COL14A1: variants seen among roughly 807,000 people sequenced by gnomAD.
COL14A1 encodes the protein collagen type XIV alpha 1 chain.
Under a neutral mutation model 230.3 loss-of-function variants are expected in COL14A1, and 136 were observed. The observed-to-expected ratio is 0.59, with a 90% CI of 0.51 to 0.68. COL14A1 has a LOEUF of 0.68. Among genes scored for constraint, COL14A1 ranks in the 30% least tolerant of loss-of-function variants. COL14A1 has a pLI of 0.00. For synonymous variants in COL14A1, 792 were observed against 784.1 expected (o/e 1.01, Z -0.17); for missense variants, 1,976 against 2,215.8 (o/e 0.89, Z 2.17).
chr8:120,366,577 A>G (rs893975861), intron 45 of COL14A1, among the ~76,000 whole-genome samples: 1 of 152,246 alleles, frequency 6.6e-6, no homozygotes, highest in Non-Finnish European at 1.5e-5. Context: ...GTGAAAATGT[A>G]TAGTTTGTTA....
chr8:120,349,087 C>T (rs1306820423), intron 45 of COL14A1, among the ~76,000 whole-genome samples: 3 of 152,180 alleles, frequency 2.0e-5, no homozygotes, highest in Non-Finnish European at 4.4e-5. Flanking sequence ...CCCCTGACCC[C>T]GAGCAGGCTA....
At chr8:120,134,135 A>T (rs1399696268) in intron 1 of COL14A1, among the ~76,000 whole-genome samples, 1 of 151,996 alleles carries the variant, frequency 6.6e-6, no homozygotes, top group African/African-American at 2.4e-5. Context: ...TTCTTTTTTG[A>T]TGTAAAGATG....
At chr8:120,177,747 A>G (rs1284821556) in intron 5 of COL14A1, among the ~76,000 whole-genome samples, 1 of 148,962 alleles carries the variant, frequency 6.7e-6, no homozygotes, top group African/African-American at 2.4e-5. Context: ...TATATAAATA[A>G]CAATATGATT....
chr8:120,197,069 C>T (rs1817061212), intron 6 of COL14A1, 123 bp downstream of exon 6: 5 of 845,562 alleles, frequency 5.9e-6, no homozygotes, highest in Non-Finnish European at 7.4e-6. Flanking sequence ...CTCATGGTCC[C>T]CTAAAGTACA....
intron 19 of COL14A1, among the ~76,000 whole-genome samples, chr8:120,242,061 A>G (rs1818622810): frequency 6.6e-6 from 1 of 152,228 alleles, no homozygotes; most frequent in African/African-American, 2.4e-5. Context: ...ATTGTATAAA[A>G]TTACCTTCAG....
At chr8:120,259,211 T>C (rs1033232804) in intron 23 of COL14A1, among the ~76,000 whole-genome samples, 6 of 152,176 alleles carry the variant, frequency 3.9e-5, no homozygotes, top group African/African-American at 1.4e-4. Context: ...ATTTATATCA[T>C]AAAATTCTAC....
chr8:120,215,424 GAA>G (rs1817722524), intron 13 of COL14A1, among the ~76,000 whole-genome samples: 2 of 151,902 alleles, frequency 1.3e-5, no homozygotes, highest in African/African-American at 4.8e-5. Flanking sequence ...AGGAAGGAAG[GAA>G]GGGAGGGGAA....
intron 5 of COL14A1, among the ~76,000 whole-genome samples, chr8:120,174,904 GC>G (rs1439815789): frequency 6.6e-6 from 1 of 152,088 alleles, no homozygotes; most frequent in Non-Finnish European, 1.5e-5. Flanking sequence ...GACAAAAGAT[GC>G]CCCTGCTCCA....
At chr8:120,266,753 A>AT (rs1819512711) in intron 24 of COL14A1, 74 bp from the exon 25 acceptor site, 1 of 1,191,664 alleles carries the variant, frequency 8.4e-7, no homozygotes, top group African/African-American at 1.5e-5. Flanking sequence ...CTGAATATTT[A>AT]TTACTCCATG....
intron 25 of COL14A1, 35 bp downstream of exon 25, chr8:120,266,918 G>A (rs767595423): frequency 1.3e-6 from 2 of 1,554,348 alleles, no homozygotes; most frequent in East Asian, 2.2e-5. Flanking sequence ...CTGATTCTAG[G>A]TTTAGGATTT....
At chr8:120,214,053 C>A in intron 13 of COL14A1, 1 of 266,998 alleles carries the variant, frequency 3.7e-6, no homozygotes, top group African/African-American at 2.3e-5. Flanking sequence ...TGCTTCGTGG[C>A]TATGGCTGGT....
Position 120,371,892 on chromosome 8 carries a change from A to G in COL14A1, c.*661A>G, listed in dbSNP as rs1812170205. The G allele has an allele frequency of 2.8e-6, 1 of 355,006 alleles. No individual in the cohort carries two copies. The highest frequency in any genetic ancestry group is 4.7e-5 in the Admixed American group (1 of 21,398). The allele number at this position is 355,006 out of a possible 1,614,324, so 22.0% of individuals were successfully genotyped here. A position where few individuals can be genotyped will look rare whatever the true frequency, so the allele number is the denominator to read the frequency against. On this transcript the variant is annotated 3_prime_UTR_variant, in exon 48 of 48. Transcript: ENST00000297848. ...TTTCCACCAGCTCTGATGCAAAGAGATATAATTTTAATGAACGATTTATCC... is the reference window on the plus strand; with the variant it reads ...TTTCCACCAGCTCTGATGCAAAGAGGTATAATTTTAATGAACGATTTATCC...
chr8:120,260,807 T>C (rs1252440943), intron 23 of COL14A1, among the ~76,000 whole-genome samples: 2 of 152,178 alleles, frequency 1.3e-5, no homozygotes, highest in Non-Finnish European at 2.9e-5. Context: ...CATCATCTAA[T>C]CTCTAGCCAT....
intron 37 of COL14A1, among the ~76,000 whole-genome samples, chr8:120,313,087 T>C (rs1053719264): frequency 1.3e-5 from 2 of 151,802 alleles, no homozygotes; most frequent in African/African-American, 4.8e-5. Flanking sequence ...AGGCTGGGAG[T>C]GGTGGCTCAC....
chr8:120,361,912 G>A (rs1563757718), intron 45 of COL14A1, among the ~76,000 whole-genome samples: 4 of 152,214 alleles, frequency 2.6e-5, no homozygotes, highest in African/African-American at 7.2e-5. Flanking sequence ...ACATGTTAGT[G>A]TGAGCAGGAT....
At chr8:120,218,674 A>T (rs188566281) in intron 14 of COL14A1, among the ~76,000 whole-genome samples, 30 of 152,296 alleles carry the variant, frequency 2.0e-4, no homozygotes, top group African/African-American at 5.5e-4. Context: ...TCTCTACTGA[A>T]AGAAAGACAA....
intron 26 of COL14A1, among the ~76,000 whole-genome samples, chr8:120,275,285 A>G (rs1023361895): frequency 5.3e-5 from 8 of 151,942 alleles, no homozygotes; most frequent in African/African-American, 1.7e-4. Context: ...AAAACTGGAT[A>G]GCCACATGTA....
intron 36 of COL14A1, among the ~76,000 whole-genome samples, chr8:120,309,182 G>A (rs1439931962): frequency 3.3e-5 from 5 of 152,222 alleles, no homozygotes; most frequent in Non-Finnish European, 2.9e-5. Context: ...TGATCCACCC[G>A]CCTTGGCCTC....
At chr8:120,252,778 A>C (rs1183764830) in intron 22 of COL14A1, among the ~76,000 whole-genome samples, 1 of 152,154 alleles carries the variant, frequency 6.6e-6, no homozygotes, top group African/African-American at 2.4e-5. Flanking sequence ...TCTTACCCTC[A>C]TCCCTAAAAA....
Sources: gnomAD v4.1 joint callset for allele counts (sites outside exome capture counted in the v4.1 genomes callset) on GRCh38, gnomAD v4.1.1 for gene constraint, MANE v1.5 for transcripts, NCBI Gene and HGNC (gene_info 2026-07-23, HGNC 2026-07-21) for gene names.